Variants in CDH13 observed in about 807,000 individuals in gnomAD.
CDH13 encodes cadherin-13.
Under a neutral mutation model 63.8 loss-of-function variants are expected in CDH13, and 24 were observed. The ratio of observed to expected loss-of-function variants is 0.38; its 90% CI spans 0.27 to 0.53. CDH13 has a LOEUF of 0.53. CDH13 is among the 20% of genes least tolerant of loss of function. The pLI, the probability that CDH13 is intolerant of heterozygous loss-of-function variation, is 0.85. For missense variants in CDH13, 1,049 were observed against 903.1 expected (o/e 1.16, Z -2.07); for synonymous variants, 503 against 355.3 (o/e 1.42, Z -4.67).
chr16:83,408,062 A>G (rs966107826), intron 6 of CDH13, among the ~76,000 whole-genome samples: 48 of 152,330 alleles, frequency 3.2e-4, no homozygotes, highest in Non-Finnish European at 2.6e-4. Context: ...CAGTGGCACC[A>G]GAAGATTTAG....
At position 83,485,986 on chromosome 16, in the gene CDH13, T is replaced by C. The variant is rs187395610; in HGVS notation, c.782-491T>C. 1.8e-3 allele frequency among the ~76,000 whole-genome samples: 272 copies of C among 152,146 alleles called. 2 individuals carry two copies. The highest frequency in any genetic ancestry group is 7.6e-4 in the Non-Finnish European group (52 of 68,010). ...GGTTAAACCCCATTTATACCAAAAA[T>C]ACAAATATTAACTGGGCGTGATGAC... On this transcript the variant is annotated intron_variant, in intron 6 of 13. Transcript: ENST00000567109.
chr16:83,190,925 C>T (rs1055408231), intron 4 of CDH13, among the ~76,000 whole-genome samples: 3 of 151,930 alleles, frequency 2.0e-5, no homozygotes, highest in African/African-American at 4.8e-5. Context: ...CTGGCCAAAA[C>T]GACTCTCCCG....
chr16:83,470,943 C>A (rs1451471224), intron 6 of CDH13, among the ~76,000 whole-genome samples: 1 of 152,126 alleles, frequency 6.6e-6, no homozygotes. Context: ...AGGGGAGAAT[C>A]CACTTTCTTG....
chr16:83,345,130 T>G lies in CDH13; in HGVS notation c.781+124T>G, dbSNP rs1597797310. Reference sequence around the variant, plus strand: ...TCAGCTCGTATCAGCGTCGACTTAATACTTCCCTGCGTAGAAGCCAGGTTG... The same window carrying G: ...TCAGCTCGTATCAGCGTCGACTTAAGACTTCCCTGCGTAGAAGCCAGGTTG... On this transcript the variant is annotated intron_variant, in intron 6 of 13. Coordinates refer to ENST00000567109, the MANE Select transcript of CDH13 (RefSeq NM_001257.5). 43 of 1,097,508 alleles carry G rather than the reference T, an allele frequency of 3.9e-5. No individual in the cohort carries two copies. In the East Asian group the frequency reaches 1.0e-3, roughly 27 times the overall value. 68.0% of individuals were successfully genotyped at this position (1,097,508 alleles called of 1,614,324 possible).
At chr16:83,649,438 A>G (rs1451864901) in intron 8 of CDH13, among the ~76,000 whole-genome samples, 1 of 152,160 alleles carries the variant, frequency 6.6e-6, no homozygotes, top group Non-Finnish European at 1.5e-5. Flanking sequence ...GAAGGGAAAG[A>G]GAGGGTGGTT....
intron 8 of CDH13, among the ~76,000 whole-genome samples, chr16:83,651,038 C>T (rs1442240055): frequency 6.6e-6 from 1 of 151,912 alleles, no homozygotes; most frequent in Non-Finnish European, 1.5e-5. Context: ...GAGGTCAAGG[C>T]TGCAGTGAGC....
intron 5 of CDH13, among the ~76,000 whole-genome samples, chr16:83,280,533 C>G (rs1490508083): frequency 1.3e-5 from 2 of 152,236 alleles, no homozygotes; most frequent in Non-Finnish European, 2.9e-5. Context: ...GAATCAACTT[C>G]TTCCAAACCC....
At chr16:83,762,232 A>G (rs1444517866) in intron 11 of CDH13, among the ~76,000 whole-genome samples, 2 of 152,140 alleles carry the variant, frequency 1.3e-5, no homozygotes, top group Non-Finnish European at 2.9e-5. Flanking sequence ...GTGACCTTTA[A>G]TGCTGGCATT....
chr16:82,670,880 C>T (rs1035723615), intron 1 of CDH13, among the ~76,000 whole-genome samples: 2 of 152,278 alleles, frequency 1.3e-5, no homozygotes, highest in South Asian at 2.1e-4. Flanking sequence ...AACATTTTTC[C>T]CATGGCTGTC....
intron 6 of CDH13, among the ~76,000 whole-genome samples, chr16:83,456,870 G>A (rs540400518): frequency 1.3e-4 from 20 of 152,334 alleles, no homozygotes; most frequent in Admixed American, 3.3e-4. Context: ...GCTGAGGCAG[G>A]AGAGTCACTT....
intron 2 of CDH13, among the ~76,000 whole-genome samples, chr16:82,915,720 A>T (rs1299561653): frequency 1.3e-5 from 2 of 151,624 alleles, no homozygotes; most frequent in African/African-American, 4.8e-5. Context: ...TCTCTCTTAG[A>T]CATGCTGGTA....
intron 5 of CDH13, among the ~76,000 whole-genome samples, chr16:83,289,263 A>G (rs1207414254): frequency 1.3e-5 from 2 of 152,206 alleles, no homozygotes; most frequent in African/African-American, 4.8e-5. Flanking sequence ...CTACAGCTTG[A>G]AATTGTAACA....
At chr16:83,467,374 T>C (rs554583136) in intron 6 of CDH13, among the ~76,000 whole-genome samples, 2 of 152,212 alleles carry the variant, frequency 1.3e-5, no homozygotes, top group South Asian at 4.1e-4. Context: ...AAAGAGCTTA[T>C]GTGTGAGCGG....
intron 2 of CDH13, among the ~76,000 whole-genome samples, chr16:82,923,847 A>G (rs990156833): frequency 2.0e-5 from 3 of 152,230 alleles, no homozygotes; most frequent in Admixed American, 6.5e-5. Flanking sequence ...AATTTAAGAT[A>G]AAGAGAAAAT....
At chr16:83,526,449 C>G (rs2074961013) in intron 7 of CDH13, among the ~76,000 whole-genome samples, 1 of 152,156 alleles carries the variant, frequency 6.6e-6, no homozygotes, top group Non-Finnish European at 1.5e-5. Context: ...TCTTTAGATT[C>G]TCATAAGGAG....
intron 1 of CDH13, among the ~76,000 whole-genome samples, chr16:82,676,559 C>A (rs1245821307): frequency 6.7e-6 from 1 of 148,714 alleles, no homozygotes; most frequent in Non-Finnish European, 1.5e-5. Flanking sequence ...ATCACTCTTA[C>A]CTTCTTCCAA....
At chr16:82,705,169 A>G (rs757040837) in intron 1 of CDH13, 1 of 456,008 alleles carries the variant, frequency 2.2e-6, no homozygotes, top group South Asian at 1.5e-5. Flanking sequence ...GGATCCAGGT[A>G]AACAGATTGC....
intron 6 of CDH13, among the ~76,000 whole-genome samples, chr16:83,430,299 A>G (rs1336254091): frequency 1.3e-5 from 2 of 152,214 alleles, no homozygotes; most frequent in African/African-American, 4.8e-5. Context: ...GATTAACTAT[A>G]CAGTAAAAGA....
At chr16:82,739,298 A>G (rs533676686) in intron 1 of CDH13, among the ~76,000 whole-genome samples, 3 of 152,216 alleles carry the variant, frequency 2.0e-5, no homozygotes, top group African/African-American at 2.4e-5. Context: ...CTACTTTTAG[A>G]TAAAGAAATC....
Sources: gnomAD v4.1 joint callset for allele counts (sites outside exome capture counted in the v4.1 genomes callset) on GRCh38, gnomAD v4.1.1 for gene constraint, MANE v1.5 for transcripts, NCBI Gene and HGNC (gene_info 2026-07-23, HGNC 2026-07-21) for gene names.